RFX3: variants seen among roughly 807,000 people sequenced by gnomAD.
RFX3 encodes the protein regulatory factor X3, also known as transcription factor RFX3.
RFX3 carries 14 observed loss-of-function variants against 98.6 expected under a neutral mutation model. That is an observed-to-expected ratio of 0.14 (90% CI 0.09 to 0.22). The LOEUF (loss-of-function observed/expected upper bound fraction) is 0.22, where lower values mean the gene tolerates loss of function less well. Ranked by LOEUF, RFX3 falls within the 10% of genes least tolerant of loss-of-function variation. RFX3 has a pLI of 1.00. For missense variants in RFX3, 639 were observed against 926.9 expected (o/e 0.69, Z 4.03); for synonymous variants, 383 against 328.4 (o/e 1.17, Z -1.80).
chr9:3,303,233 G>T (rs1198298750), intron 4 of RFX3, among the ~76,000 whole-genome samples: 1 of 151,824 alleles, frequency 6.6e-6, no homozygotes, highest in Non-Finnish European at 1.5e-5. Context: ...TAATGTAAAT[G>T]TAATGAATGA....
chr9:3,406,368 T>C (rs1313519540), intron 1 of RFX3, among the ~76,000 whole-genome samples: 1 of 151,944 alleles, frequency 6.6e-6, no homozygotes, highest in Admixed American at 6.6e-5. Flanking sequence ...GAAATCCTAC[T>C]TTCCCGTGAT....
intron 3 of RFX3, among the ~76,000 whole-genome samples, chr9:3,333,996 C>A (rs765601837): frequency 6.6e-6 from 1 of 152,058 alleles, no homozygotes; most frequent in Non-Finnish European, 1.5e-5. Context: ...AGGTGAATAA[C>A]TGAAGTTTGG....
intron 14 of RFX3, among the ~76,000 whole-genome samples, chr9:3,255,810 C>A (rs1822059556): frequency 6.6e-6 from 1 of 152,070 alleles, no homozygotes; most frequent in South Asian, 2.1e-4. Flanking sequence ...TCTATGTCTA[C>A]AAAAATACAC....
chr9:3,333,872 C>T (rs569043014), intron 3 of RFX3, among the ~76,000 whole-genome samples: 59 of 151,992 alleles, frequency 3.9e-4, no homozygotes, highest in Admixed American at 7.2e-4. Context: ...ATTTACTGAC[C>T]ATTTACTATG....
At chr9:3,389,853 C>T (rs976869168) in intron 2 of RFX3, among the ~76,000 whole-genome samples, 4 of 152,046 alleles carry the variant, frequency 2.6e-5, no homozygotes, top group African/African-American at 9.7e-5. Context: ...TACTTCTGTT[C>T]CCAGGCATTT....
At chr9:3,501,582 A>C (rs1816012503) in intron 1 of RFX3, among the ~76,000 whole-genome samples, 1 of 137,168 alleles carries the variant, frequency 7.3e-6, no homozygotes, top group Non-Finnish European at 1.5e-5. Flanking sequence ...TTTGAGATAG[A>C]GTCTCACTCT....
chr9:3,481,858 C>T (rs1849792527), intron 1 of RFX3, among the ~76,000 whole-genome samples: 1 of 146,640 alleles, frequency 6.8e-6, no homozygotes, highest in Non-Finnish European at 1.5e-5. Context: ...TATTCGATTG[C>T]CAAAATAAAA....
At chr9:3,257,927 A>G (rs1268114991) in intron 13 of RFX3, among the ~76,000 whole-genome samples, 2 of 152,322 alleles carry the variant, frequency 1.3e-5, no homozygotes, top group East Asian at 1.9e-4. Context: ...AATGTTTGGT[A>G]ACAGCAATGA....
At chr9:3,459,908 T>C (rs998829280) in intron 1 of RFX3, among the ~76,000 whole-genome samples, 1 of 152,094 alleles carries the variant, frequency 6.6e-6, no homozygotes, top group Non-Finnish European at 1.5e-5. Flanking sequence ...ATCTATGTTA[T>C]CCATGGATGG....
At chr9:3,512,218 A>G (rs958797176) in intron 1 of RFX3, among the ~76,000 whole-genome samples, 1 of 152,054 alleles carries the variant, frequency 6.6e-6, no homozygotes, top group Non-Finnish European at 1.5e-5. Flanking sequence ...TAAGATTTAA[A>G]TATTTTCAAA....
At chr9:3,270,687 C>T (rs1441451118) in intron 10 of RFX3, 162 bp from the exon 11 acceptor site, 3 of 710,604 alleles carry the variant, frequency 4.2e-6, no homozygotes, top group African/African-American at 3.6e-5. Context: ...GAGAGACAGA[C>T]AGATATATAA....
At chr9:3,434,567 C>A (rs1344665789) in intron 1 of RFX3, among the ~76,000 whole-genome samples, 1 of 152,110 alleles carries the variant, frequency 6.6e-6, no homozygotes, top group Non-Finnish European at 1.5e-5. Flanking sequence ...AGTCCTTGTA[C>A]TTCAAGGTCT....
At chr9:3,371,653 A>C (rs942707581) in intron 2 of RFX3, among the ~76,000 whole-genome samples, 1 of 152,210 alleles carries the variant, frequency 6.6e-6, no homozygotes. Context: ...AGTAAGATGA[A>C]AAGACGCTAC....
intron 1 of RFX3, among the ~76,000 whole-genome samples, chr9:3,411,426 G>A (rs1213810388): frequency 6.6e-6 from 1 of 151,958 alleles, no homozygotes; most frequent in Non-Finnish European, 1.5e-5. Flanking sequence ...GCAGTGGCAT[G>A]ATCTCGGCTC....
intron 1 of RFX3, among the ~76,000 whole-genome samples, chr9:3,507,603 T>G (rs551120848): frequency 6.6e-6 from 1 of 152,008 alleles, no homozygotes; most frequent in African/African-American, 2.4e-5. Context: ...TCCGTAACCA[T>G]GGGGAATTGG....
intron 3 of RFX3, among the ~76,000 whole-genome samples, chr9:3,342,309 G>A (rs1251217705): frequency 6.6e-6 from 1 of 152,098 alleles, no homozygotes; most frequent in African/African-American, 2.4e-5. Flanking sequence ...AAGAGAAACT[G>A]AATCACACAG....
intron 3 of RFX3, among the ~76,000 whole-genome samples, chr9:3,340,457 T>C (rs1253420879): frequency 6.6e-6 from 1 of 151,646 alleles, no homozygotes; most frequent in Non-Finnish European, 1.5e-5. Context: ...ACCATCAGAG[T>C]GAACAGACAA....
rs115708158 is a variant in RFX3 at position 3,355,807 on chromosome 9, T to G, written c.118-9043A>C. 1.3e-3 allele frequency among the ~76,000 whole-genome samples: 204 copies of G among 151,848 alleles called. 1 individual carries two copies. Among genetic ancestry groups the G allele is most frequent in the African/African-American group, 4.8e-3 (198 of 41,460 alleles). On this transcript the variant is annotated intron_variant, in intron 2 of 16. Coordinates refer to ENST00000617270, the MANE Select transcript of RFX3 (RefSeq NM_001282116.2). ...AGGAATAAAACAAGTCCCAACAAATTTAAAAGTATTAAAACAATACAGAGC... is the reference window on the plus strand; with the variant it reads ...AGGAATAAAACAAGTCCCAACAAATGTAAAAGTATTAAAACAATACAGAGC...
chr9:3,273,245 C>G (rs1361271341), intron 9 of RFX3, among the ~76,000 whole-genome samples: 7 of 152,030 alleles, frequency 4.6e-5, no homozygotes, highest in African/African-American at 1.7e-4. Context: ...TATTTATTAA[C>G]AGGAAAAAAT....
Sources: allele counts gnomAD v4.1 joint callset (sites outside exome capture counted in the v4.1 genomes callset), GRCh38; gene constraint gnomAD v4.1.1; transcripts MANE v1.5; gene names NCBI Gene and HGNC (gene_info 2026-07-23, HGNC 2026-07-21).